The following PLXNB1 variants were observed in gnomAD, a reference collection of about 807,000 sequenced individuals.
PLXNB1 encodes plexin-B1.
Under a neutral mutation model 209.4 loss-of-function variants are expected in PLXNB1, and 106 were observed. That is an observed-to-expected ratio of 0.51 (90% confidence interval 0.43 to 0.59). The LOEUF (loss-of-function observed/expected upper bound fraction) is 0.59, where lower values mean the gene tolerates loss of function less well. Ranked by LOEUF, PLXNB1 falls within the 20% of genes least tolerant of loss-of-function variation. The pLI is 0.00. For missense variants in PLXNB1, 2,357 were observed against 2,853.2 expected (o/e 0.83, Z 3.96); for synonymous variants, 1,167 against 1,183.2 (o/e 0.99, Z 0.28).
At position 48,411,499 on chromosome 3, in the gene PLXNB1, G is replaced by A. The variant is rs968267524; in HGVS notation, c.5247+364C>T. The stretch of plus-strand genomic sequence containing the variant: ...CCCAGAGAGAAGTGCCTGCCAGAGT[G>A]AGGCTGGCTTGGTGGGCAAGGCCGC... On this transcript the variant is annotated intron_variant, in intron 28 of 37. Coordinates refer to ENST00000296440, the MANE Select transcript of PLXNB1 (RefSeq NM_001130082.3). This position sits in a 1 kb window ranked among gnomAD's most constrained non-coding sequence, Gnocchi z 4.0. Among the ~76,000 whole-genome samples, 3 of 152,184 alleles carry A rather than the reference G, an allele frequency of 2.0e-5. No individual in the cohort carries two copies. Among genetic ancestry groups the A allele is most frequent in the Non-Finnish European group, 4.4e-5 (3 of 68,026 alleles).
Position 48,419,290 on chromosome 3 carries a change from ACATGGACCGG to A in PLXNB1, c.2776_2785del (p.Pro926TrpfsTer8). On this transcript the variant is annotated frameshift_variant, in exon 12 of 38. Transcript: ENST00000296440. LOFTEE classifies it high-confidence loss of function. The surrounding 1 kb of genome is among the most constrained non-coding windows in gnomAD (Gnocchi z 5.7). ...GCCTAGCAGCCGGATTTCCCGCTCC[ACATGGACCGG>A]CATCAACGTGGAGCCCTGAACGCTC... 1 of 1,598,970 alleles carries A rather than the reference ACATGGACCGG, an allele frequency of 6.3e-7. No homozygotes were observed. Among genetic ancestry groups the A allele is most frequent in the Non-Finnish European group, 8.5e-7 (1 of 1,170,382 alleles).
At chr3:48,422,682 G>A (rs2038610707) in intron 4 of PLXNB1, 83 bp downstream of exon 4, 1 of 1,455,688 alleles carries the variant, frequency 6.9e-7, no homozygotes, top group Non-Finnish European at 9.4e-7. Flanking sequence ...GGGGTCACAG[G>A]GATAGCTTAA....
At position 48,420,149 on chromosome 3, in the gene PLXNB1, G is replaced by A; in HGVS notation, c.2137C>T (p.Pro713Ser). The A allele has an allele frequency of 6.2e-7, 1 of 1,607,740 alleles. No individual in the cohort carries two copies. ...TPAPDTLPVE[P>S]GAPSTATASD... ...GCTGTGGCTGTGGAGGGAGCCCCAGGCTCCACGGGAAGGGTGTCAGGAGCA... is the reference window on the plus strand; with the variant it reads ...GCTGTGGCTGTGGAGGGAGCCCCAGACTCCACGGGAAGGGTGTCAGGAGCA... Residue 713 changes from proline (P) to serine (S), a missense_variant, in exon 11 of 38, where the codon CCT (proline) becomes TCT (serine). Pro to Ser is a moderately conservative substitution (Grantham distance 74). Coordinates refer to ENST00000296440, the MANE Select transcript of PLXNB1 (RefSeq NM_001130082.3).
chr3:48,419,982 A>G lies in PLXNB1; in HGVS notation c.2304T>C (p.Pro768=), dbSNP rs2038391189. 1 of 1,590,712 alleles carries G rather than the reference A, an allele frequency of 6.3e-7. No individual in the cohort carries two copies. Among genetic ancestry groups the G allele is most frequent in the Non-Finnish European group, 8.6e-7 (1 of 1,166,176 alleles). The change falls in exon 11 of 38, where the codon CCT becomes CCC. Residue 768 remains proline, a synonymous_variant. Coordinates refer to ENST00000296440, the MANE Select transcript of PLXNB1 (RefSeq NM_001130082.3). This position sits in a 1 kb window ranked among gnomAD's most constrained non-coding sequence, Gnocchi z 5.7. ...CAGTGGGGGCAGGGACAGCGGTTCC[A>G]GGTCCATTTTGGGGGCTGGGAGGGG... ...EPSPPSPQNG[P]GTAVPAPTDF... is the part of the protein sequence containing the mutation.
chr3:48,422,976 C>G, intron 3 of PLXNB1, 29 bp from the exon 4 acceptor site: 1 of 1,596,734 alleles, frequency 6.3e-7, no homozygotes, highest in Non-Finnish European at 8.6e-7. Context: ...ATCAGGAAGG[C>G]CCTCCCTGGA....
rs1277724466 is a variant in PLXNB1, at chr3:48,412,059, T to C, written c.5101-50A>G. ...CCCCCCAGCAGGTGGCAGAGGTGTA[T>C]GGGACATGACGCACACTGGGGAAGG... On this transcript the variant is annotated intron_variant, in intron 27 of 37. Coordinates refer to ENST00000296440, the MANE Select transcript of PLXNB1 (RefSeq NM_001130082.3). The C allele has an allele frequency of 1.9e-6, 3 of 1,602,648 alleles. No homozygotes were observed. In the African/African-American group the frequency reaches 4.0e-5, roughly 21 times the overall value.
Position 48,404,189 on chromosome 3 carries a change from T to C in PLXNB1, c.*297A>G. ...GAACAGTACAGTCTCCCCAGGGGCC[T>C]GGAGTCTCTTCCAGCCACTCTCTGG... On this transcript the variant is annotated 3_prime_UTR_variant, in exon 38 of 38. Transcript: ENST00000296440. The C allele has an allele frequency of 2.5e-6, 1 of 393,538 alleles. No individual in the cohort carries two copies. Among genetic ancestry groups the C allele is most frequent in the Non-Finnish European group, 4.6e-6 (1 of 217,496 alleles). 24.4% of individuals were successfully genotyped at this position (393,538 alleles called of 1,614,324 possible). A position where few individuals can be genotyped will look rare whatever the true frequency, so the allele number is the denominator to read the frequency against.
Position 48,409,815 on chromosome 3 carries a change from C to A in PLXNB1, c.5779-84G>T. 1 of 1,573,256 alleles carries A rather than the reference C, an allele frequency of 6.4e-7. No individual in the cohort carries two copies. On this transcript the variant is annotated intron_variant, in intron 32 of 37. Transcript: ENST00000296440. The surrounding 1 kb of genome is among the most constrained non-coding windows in gnomAD (Gnocchi z 5.8). ...GCCTCAGACACCCCCCGGCACTGTGCCTGCACGAGCCCCACACCACCCCCA... is the reference window on the plus strand; with the variant it reads ...GCCTCAGACACCCCCCGGCACTGTGACTGCACGAGCCCCACACCACCCCCA...
Position 48,424,302 on chromosome 3 carries a change from T to C in PLXNB1, c.310A>G (p.Ser104Gly). The change falls in exon 3 of 38, where the codon AGC becomes GGC. Residue 104 changes from serine to glycine, a missense_variant. This residue lies in a region of PLXNB1 where 107 missense variants were observed against 167.2 expected (regional missense o/e 0.64). Transcript: ENST00000296440. ...CCGCATACCACCAGGGCCCCTGGGC[T>C]CACCAGGAGCAGCTGATTCGGGTTG... ...TNNPNQLLLV[S>G]PGALVVCGSV... 1 of 1,569,580 alleles carries C rather than the reference T, an allele frequency of 6.4e-7. No individual in the cohort carries two copies. The highest frequency in any genetic ancestry group is 8.6e-7 in the Non-Finnish European group (1 of 1,157,226).
Position 48,424,151 on chromosome 3 carries a change from C to G in PLXNB1, c.461G>C (p.Gly154Ala). The change falls in exon 3 of 38, where the codon GGG (glycine) becomes GCG (alanine). Residue 154 changes from glycine to alanine, a missense_variant. Gly to Ala is a moderately conservative substitution (Grantham distance 60, BLOSUM62 0). Transcript: ENST00000296440. ...AANDPAVSTV[G>A]LVAQGLAGEP... ...CCCTGCCAAGCCCTGGGCTACCAGC[C>G]CCACCGTGCTGACCGCAGGATCATT... The G allele has an allele frequency of 3.2e-6, 5 of 1,569,196 alleles. No individual in the cohort carries two copies. Among genetic ancestry groups the G allele is most frequent in the Non-Finnish European group, 4.3e-6 (5 of 1,157,370 alleles).
chr3:48,413,238 C>G lies in PLXNB1; in HGVS notation c.4536-69G>C, dbSNP rs1414419660. 1.3e-5 allele frequency: 15 copies of G among 1,186,644 alleles called. No individual in the cohort carries two copies. Among genetic ancestry groups the G allele is most frequent in the Non-Finnish European group, 1.7e-5 (14 of 803,758 alleles). 73.5% of individuals were successfully genotyped at this position (1,186,644 alleles called of 1,614,324 possible). A position where few individuals can be genotyped will look rare whatever the true frequency, so the allele number is the denominator to read the frequency against. ...ACTCGCCCAGGCCTGCCTGACAATC[C>G]CCAGGCACACCCCGGCCTCATCCAG... On this transcript the variant is annotated intron_variant, in intron 23 of 37. Coordinates refer to ENST00000296440, the MANE Select transcript of PLXNB1 (RefSeq NM_001130082.3). This position sits in a 1 kb window ranked among gnomAD's most constrained non-coding sequence, Gnocchi z 5.4.
At chr3:48,425,867 A>G (rs1441509096) in intron 1 of PLXNB1, among the ~76,000 whole-genome samples, 1 of 152,040 alleles carries the variant, frequency 6.6e-6, no homozygotes, top group Non-Finnish European at 1.5e-5. Flanking sequence ...CCATCTATAC[A>G]CACAGCACAG....
Position 48,418,014 on chromosome 3 carries a change from T to C in PLXNB1, c.3271A>G (p.Arg1091Gly). 2 of 1,613,392 alleles carry C rather than the reference T, an allele frequency of 1.2e-6. No individual in the cohort carries two copies. The highest frequency in any genetic ancestry group is 1.1e-5 in the South Asian group (1 of 91,080). Residue 1091 changes from arginine to glycine, a missense_variant, in exon 16 of 38, where the codon AGG becomes GGG. Around this residue, in one of 7 missense-constraint regions of PLXNB1, gnomAD observed 743 missense variants for 896.2 expected, o/e 0.83. Transcript: ENST00000296440. The surrounding 1 kb of genome is among the most constrained non-coding windows in gnomAD (Gnocchi z 6.6). Reference protein sequence around the residue: ...PVDGGTRVTIRGSNLGQHVQD... With the variant: ...PVDGGTRVTIGGSNLGQHVQD... The stretch of plus-strand genomic sequence containing the variant: ...ACATGCTGGCCCAGGTTGGAGCCCC[T>C]GATGGTGACACGGGTGCCTCCGTCT...
chr3:48,428,407 C>G (rs999030364), intron 1 of PLXNB1, among the ~76,000 whole-genome samples: 3 of 152,144 alleles, frequency 2.0e-5, no homozygotes, highest in African/African-American at 7.2e-5. Context: ...GCCCTGGAGT[C>G]TCTTCTGGGG....
rs1267543854 is a variant in PLXNB1 at position 48,417,872 on chromosome 3, C to A, written c.3374+39G>T. The A allele has an allele frequency of 1.3e-6, 2 of 1,579,506 alleles. No homozygotes were observed. The highest frequency in any genetic ancestry group is 1.7e-6 in the Non-Finnish European group (2 of 1,159,246). On this transcript the variant is annotated intron_variant, in intron 16 of 37. Transcript: ENST00000296440. The surrounding 1 kb of genome is among the most constrained non-coding windows in gnomAD (Gnocchi z 4.4). The stretch of plus-strand genomic sequence containing the variant: ...GCAGCAACGCCAACCGCGGAGGCCC[C>A]AGGCTGCGCCGTGCTCCTGCTGGGT...
rs749248593 is a variant in PLXNB1, at chr3:48,409,735, T to C, written c.5779-4A>G. The C allele has an allele frequency of 6.8e-6, 11 of 1,612,694 alleles. No individual in the cohort carries two copies. The Admixed American group carries it at 1.8e-4, about 27-fold the overall frequency. On this transcript the variant is annotated splice_region_variant and splice_polypyrimidine_tract_variant and intron_variant, in intron 32 of 37. Coordinates refer to ENST00000296440, the MANE Select transcript of PLXNB1 (RefSeq NM_001130082.3). The surrounding 1 kb of genome is among the most constrained non-coding windows in gnomAD (Gnocchi z 5.8). ...CCACGAACTTCTGCAGGGTGCCCTG[T>C]GGGAAGGAAGAAGCAGAGAGGTGTG...
In PLXNB1 at chr3:48,423,704, G is replaced by C. The variant is rs188697214; in HGVS notation, c.908C>G (p.Pro303Arg). Reference sequence around the variant, plus strand: ...CGCCGATGGGGGCCGGCCCACAGTGGGGGGTGCAGCCGAGGAGAAAGCTGC... The same window carrying C: ...CGCCGATGGGGGCCGGCCCACAGTGCGGGGTGCAGCCGAGGAGAAAGCTGC... ...LFAAFSSAAP[P>R]TVGRPPSAAA... Residue 303 changes from proline to arginine, a missense_variant, in exon 3 of 38, where the codon CCC becomes CGC. Physicochemically the swap from Pro to Arg is moderately radical, Grantham distance 103 (BLOSUM62 -2). Around this residue, in one of 7 missense-constraint regions of PLXNB1, gnomAD observed 404 missense variants for 443.6 expected, o/e 0.91. Transcript: ENST00000296440. The C allele has an allele frequency of 5.7e-4, 927 of 1,613,782 alleles. 12 individuals carry two copies. The East Asian group carries it at 0.02, about 35-fold the overall frequency.
At position 48,424,266 on chromosome 3, in the gene PLXNB1, G is replaced by A; in HGVS notation, c.346C>T (p.Gln116Ter). 1 of 1,597,160 alleles carries A rather than the reference G, an allele frequency of 6.3e-7. No homozygotes were observed. The highest frequency in any genetic ancestry group is 8.5e-7 in the Non-Finnish European group (1 of 1,172,326). ...GALVVCGSVH[Q>*]GVCEQRRLGQ... ...AGGCGCCGCTGTTCACAGACCCCCT[G>A]GTGCACGCTCCCGCATACCACCAGG... is the stretch of plus-strand genomic sequence containing the variant. The change falls in exon 3 of 38, where the codon CAG (glutamine) becomes TAG (stop). Residue 116 changes from glutamine (Q) to a stop codon, truncating the protein, a stop_gained. Transcript: ENST00000296440. LOFTEE classifies it high-confidence loss of function.
At chr3:48,404,638 G>C in intron 37 of PLXNB1, 48 bp from the exon 38 acceptor site, 1 of 1,336,530 alleles carries the variant, frequency 7.5e-7, no homozygotes, top group Non-Finnish European at 1.1e-6. Context: ...TGGCCAACGT[G>C]TTTGCTGCAA....
Sources: gnomAD v4.1 joint callset for allele counts (sites outside exome capture counted in the v4.1 genomes callset) on GRCh38, gnomAD v4.1.1 for gene constraint, gnomAD v4.1.1 regional missense constraint, Gnocchi (gnomAD v3.1) non-coding constraint, MANE v1.5 for transcripts, NCBI Gene and HGNC (gene_info 2026-07-23, HGNC 2026-07-21) for gene names.